The following ELF4 variants were observed in gnomAD, a reference collection of about 807,000 sequenced individuals.
ELF4 encodes E74 like ETS transcription factor 4, also known as ETS-related transcription factor Elf-4.
ELF4 carries 10 observed loss-of-function variants against 31.7 expected under a neutral mutation model. The ratio of observed to expected loss-of-function variants is 0.32; its 90% CI spans 0.19 to 0.54. ELF4 has a LOEUF of 0.54. Ranked by LOEUF, ELF4 falls within the 20% of genes least tolerant of loss-of-function variation. The pLI is 0.95. For missense variants in ELF4, 418 were observed against 522.0 expected (o/e 0.80, Z 1.94); for synonymous variants, 208 against 226.7 (o/e 0.92, Z 0.74).
chrX:130,086,256 T>A (rs1932957648), intron 1 of ELF4, among the ~76,000 whole-genome samples: 1 of 112,259 alleles, frequency 8.9e-6, no homozygotes, highest in Non-Finnish European at 1.9e-5. Context: ...GGTTTCTCTG[T>A]GCTTATTTAC....
chrX:130,090,924 C>T (rs945376080), intron 1 of ELF4, among the ~76,000 whole-genome samples: 5 of 111,527 alleles, frequency 4.5e-5, no homozygotes, highest in African/African-American at 6.5e-5. Flanking sequence ...GTAATCCTCC[C>T]GCCTCAGCCT....
intron 1 of ELF4, among the ~76,000 whole-genome samples, chrX:130,104,345 TG>T (rs1933338859): frequency 9.3e-6 from 1 of 107,175 alleles, no homozygotes; most frequent in African/African-American, 3.4e-5. Context: ...TTCCCTATCC[TG>T]TGCAATGGCC....
chrX:130,080,520 C>A (rs756513878), intron 2 of ELF4, among the ~76,000 whole-genome samples: 3 of 110,344 alleles, frequency 2.7e-5, no homozygotes, highest in Non-Finnish European at 5.7e-5. Context: ...GACTCCTAAT[C>A]TTCCATTCTT....
chrX:130,073,732 G>A (rs929900246), intron 4 of ELF4, among the ~76,000 whole-genome samples: 2 of 110,390 alleles, frequency 1.8e-5, no homozygotes, highest in African/African-American at 3.3e-5. Context: ...GGCTGGTCTC[G>A]AACTCCTGAC....
chrX:130,111,015 AG>A (rs1371448890), upstream of ELF4, among the ~76,000 whole-genome samples: 7 of 35,003 alleles, frequency 2.0e-4, no homozygotes, highest in Non-Finnish European at 3.2e-4. Flanking sequence ...GGGGTGGGGG[AG>A]GGAACGAGGG....
At chrX:130,102,896 A>AAGAAAG (rs1933300004) in intron 1 of ELF4, among the ~76,000 whole-genome samples, 1 of 100,633 alleles carries the variant, frequency 9.9e-6, no homozygotes, top group African/African-American at 3.8e-5. Flanking sequence ...GAAAGAAAGA[A>AAGAAAG]AGAAAGAAAG....
chrX:130,098,347 C>G (rs1053860674), intron 1 of ELF4, among the ~76,000 whole-genome samples: 1 of 112,152 alleles, frequency 8.9e-6, no homozygotes, highest in Non-Finnish European at 1.9e-5. Context: ...AGTGCCTCCT[C>G]GGCTCTTCTG....
chrX:130,079,401 C>T (rs1230786380), intron 2 of ELF4, among the ~76,000 whole-genome samples: 2 of 110,842 alleles, frequency 1.8e-5, no homozygotes, highest in East Asian at 2.8e-4. Context: ...GAGGTGGCAG[C>T]GAACCCAGAT....
At chrX:130,110,557 C>CT (rs1246783839), upstream of ELF4, 4 of 107,459 alleles carry the variant, frequency 3.7e-5, no homozygotes, top group Admixed American at 9.7e-5. Flanking sequence ...GTCCCCCGCC[C>CT]TCCTCCCCGC....
chrX:130,077,965 G>A (rs1299632028), intron 2 of ELF4, among the ~76,000 whole-genome samples: 2 of 111,616 alleles, frequency 1.8e-5, no homozygotes, highest in Non-Finnish European at 3.8e-5. Context: ...CATGTATTAT[G>A]TATTTCAAAA....
upstream of ELF4, among the ~76,000 whole-genome samples, chrX:130,111,061 C>G (rs974976974): frequency 9.6e-6 from 1 of 104,660 alleles, no homozygotes; most frequent in African/African-American, 3.5e-5. Flanking sequence ...CAGCGCCCGT[C>G]CGCCCCGGCC....
intron 1 of ELF4, among the ~76,000 whole-genome samples, chrX:130,093,403 G>A (rs1294790626): frequency 2.7e-5 from 3 of 111,892 alleles, no homozygotes; most frequent in Non-Finnish European, 3.8e-5. Context: ...TGGGTCAAGG[G>A]TAGAGGCATT....
At chrX:130,108,072 G>A in intron 1 of ELF4, among the ~76,000 whole-genome samples, 1 of 111,998 alleles carries the variant, frequency 8.9e-6, no homozygotes, top group Non-Finnish European at 1.9e-5. Flanking sequence ...GCCGGGCGTG[G>A]TGGTACATGC....
rs767095947 is a variant in ELF4 at position 130,101,483 on chromosome X, A to T, written c.-210+8842T>A. ...AATAATGGTAACATAAGGAACAAAC[A>T]TGATTATAAAATAAGATTTAAAAAA... On this transcript the variant is annotated intron_variant, in intron 1 of 8. Coordinates refer to ENST00000308167, the MANE Select transcript of ELF4 (RefSeq NM_001421.4). Among the ~76,000 whole-genome samples, 9 of 112,376 alleles carry T rather than the reference A, an allele frequency of 8.0e-5. No homozygotes were observed. In the East Asian group the frequency reaches 1.4e-3, roughly 17 times the overall value.
In ELF4 at chrX:130,066,475, C is replaced by G. The variant is rs1186751246; in HGVS notation, c.*246G>C. ...GGCTCAAGGCTTTTTCCCTCCATCA[C>G]CAAGTCAGCCCGTTATGCTGCCAAA... On this transcript the variant is annotated 3_prime_UTR_variant, in exon 9 of 9. Coordinates refer to ENST00000308167, the MANE Select transcript of ELF4 (RefSeq NM_001421.4). 3.1e-5 allele frequency: 12 copies of G among 383,409 alleles called. No homozygotes were observed. Among genetic ancestry groups the G allele is most frequent in the Admixed American group, 4.8e-5 (1 of 20,637 alleles). The allele number at this position is 383,409 out of a possible 1,213,427, so 31.6% of individuals were successfully genotyped here.
At chrX:130,070,601 T>A (rs779421461) in intron 7 of ELF4, among the ~76,000 whole-genome samples, 14 of 84,745 alleles carry the variant, frequency 1.7e-4, no homozygotes, top group South Asian at 5.6e-4. Context: ...TAAATAAAAA[T>A]AAAAAAAAAA....
chrX:130,089,573 G>A (rs1270829821), intron 1 of ELF4, among the ~76,000 whole-genome samples: 1 of 88,259 alleles, frequency 1.1e-5, no homozygotes, highest in Non-Finnish European at 2.1e-5. Flanking sequence ...GGATATCAAA[G>A]TTATAAGAGA....
intron 1 of ELF4, among the ~76,000 whole-genome samples, chrX:130,087,803 T>G (rs1364413167): frequency 2.7e-5 from 3 of 112,117 alleles, no homozygotes; most frequent in Admixed American, 1.9e-4. Context: ...GATTCGTTAC[T>G]CTGGGGCTGT....
intron 1 of ELF4, among the ~76,000 whole-genome samples, chrX:130,105,358 CTT>C (rs1367461919): frequency 9.0e-6 from 1 of 111,502 alleles, no homozygotes; most frequent in African/African-American, 3.3e-5. Flanking sequence ...GCTGGGGTCT[CTT>C]TGCCGAGAAA....
Sources: gnomAD v4.1 joint callset for allele counts (sites outside exome capture counted in the v4.1 genomes callset) on GRCh38, gnomAD v4.1.1 for gene constraint, MANE v1.5 for transcripts, NCBI Gene and HGNC (gene_info 2026-07-23, HGNC 2026-07-21) for gene names.